The following SMG6 variants were observed in gnomAD, a reference collection of about 807,000 sequenced individuals.
SMG6 encodes SMG6 nonsense mediated mRNA decay factor.
Under a neutral mutation model 142.2 loss-of-function variants are expected in SMG6, and 66 were observed. The observed-to-expected ratio is 0.46, with a 90% CI of 0.38 to 0.57. The LOEUF (loss-of-function observed/expected upper bound fraction) is 0.57. Ranked by LOEUF, SMG6 falls within the 20% of genes least tolerant of loss-of-function variation. The pLI is 0.00. For missense variants in SMG6, 1,793 were observed against 1,832.0 expected (o/e 0.98, Z 0.39); for synonymous variants, 779 against 702.4 (o/e 1.11, Z -1.72).
Position 2,215,223 on chromosome 17 carries a change from A to G in SMG6, c.2869+21269T>C, listed in dbSNP as rs188434085. 1.0e-3 allele frequency among the ~76,000 whole-genome samples: 157 copies of G among 151,268 alleles called. 2 individuals are homozygous for G. The East Asian group carries it at 0.028, about 27-fold the overall frequency. Reference sequence around the variant, plus strand: ...GTGCGTACATTATAAACACACACACACGCGCGCGCACACACACACACAGAC... The same window carrying G: ...GTGCGTACATTATAAACACACACACGCGCGCGCGCACACACACACACAGAC... On this transcript the variant is annotated intron_variant, in intron 10 of 18. Transcript: ENST00000263073.
chr17:2,142,590 G>C (rs1462814071), intron 13 of SMG6, among the ~76,000 whole-genome samples: 5 of 151,526 alleles, frequency 3.3e-5, no homozygotes, highest in Non-Finnish European at 5.9e-5. Flanking sequence ...AATTTTAAAA[G>C]TAGGCAAATA....
At chr17:2,209,938 AGAGGCCTTCACT>A (rs1291001734) in intron 10 of SMG6, among the ~76,000 whole-genome samples, 1 of 152,226 alleles carries the variant, frequency 6.6e-6, no homozygotes, top group African/African-American at 2.4e-5. Flanking sequence ...AGGTACAGAA[AGAGGCCTTCACT>A]GAGACCTTCA....
Position 2,291,805 on chromosome 17 carries a change from C to T in SMG6, c.2337+747G>A, listed in dbSNP as rs549100956. Among the ~76,000 whole-genome samples, 31 of 144,538 alleles carry T rather than the reference C, an allele frequency of 2.1e-4. No homozygotes were observed. The South Asian group carries it at 6.6e-3, about 31-fold the overall frequency. 94.8% of individuals were successfully genotyped at this position (144,538 alleles called of 152,430 possible). A position where few individuals can be genotyped will look rare whatever the true frequency, so the allele number is the denominator to read the frequency against. ...GAGGATCACCTAAGCCAGTAGTTTG[C>T]GTCACTGCACTCCAGCCTGGGTGAC... On this transcript the variant is annotated intron_variant, in intron 6 of 18. Transcript: ENST00000263073.
intron 12 of SMG6, among the ~76,000 whole-genome samples, chr17:2,184,279 C>T (rs758042557): frequency 2.0e-5 from 3 of 151,794 alleles, no homozygotes; most frequent in Non-Finnish European, 4.4e-5. Context: ...GGGAGAATCA[C>T]TTGAACCCAG....
At chr17:2,245,651 C>T (rs1010585720) in intron 8 of SMG6, among the ~76,000 whole-genome samples, 1 of 152,184 alleles carries the variant, frequency 6.6e-6, no homozygotes, top group Non-Finnish European at 1.5e-5. Flanking sequence ...TCCCAAAGTG[C>T]TGGGATTACA....
At chr17:2,102,009 G>A (rs2069021453) in intron 13 of SMG6, among the ~76,000 whole-genome samples, 1 of 152,148 alleles carries the variant, frequency 6.6e-6, no homozygotes, top group Non-Finnish European at 1.5e-5. Flanking sequence ...CTTGAAGACT[G>A]AACTCTTCTG....
intron 12 of SMG6, among the ~76,000 whole-genome samples, chr17:2,184,346 G>C (rs2071902771): frequency 6.9e-6 from 1 of 145,844 alleles, no homozygotes; most frequent in Non-Finnish European, 1.5e-5. Flanking sequence ...CTGGGCAACA[G>C]AGCAAGACTC....
chr17:2,222,069 C>T (rs1315153171), intron 10 of SMG6, among the ~76,000 whole-genome samples: 4 of 152,156 alleles, frequency 2.6e-5, no homozygotes, highest in African/African-American at 7.2e-5. Context: ...TGATATAACG[C>T]ATGTTTACTG....
In SMG6 at chr17:2,299,185, G is replaced by A. The variant is rs140068523; in HGVS notation, c.1568C>T (p.Thr523Met). 1.1e-4 allele frequency: 185 copies of A among 1,613,380 alleles called. No homozygotes were observed. In the African/African-American group the frequency reaches 1.8e-3, roughly 16 times the overall value. ...TGGGTACTGTAGAGGGTTATAGCCC[G>A]TATAGGGATACTGGGAGGCAGGGCC... ...TPGPASQYPY[T>M]GYNPLQYPVG... The change falls in exon 2 of 19, where the codon ACG (threonine) becomes ATG (methionine). Residue 523 changes from threonine to methionine, a missense_variant. By Grantham distance (81) the Thr-to-Met change is moderately conservative. This residue lies in a region of SMG6 where 1,597 missense variants were observed against 1,584.6 expected (regional missense o/e 1.01). Transcript: ENST00000263073. This position sits in a 1 kb window ranked among gnomAD's most constrained non-coding sequence, Gnocchi z 4.3.
At chr17:2,138,300 C>G (rs1258757324) in intron 13 of SMG6, among the ~76,000 whole-genome samples, 1 of 152,088 alleles carries the variant, frequency 6.6e-6, no homozygotes, top group African/African-American at 2.4e-5. Context: ...TACTCAAACA[C>G]TCCAAGATAA....
At chr17:2,303,431 C>G in intron 1 of SMG6, 1 of 1,262,766 alleles carries the variant, frequency 7.9e-7, no homozygotes, top group Non-Finnish European at 1.0e-6. Context: ...TCTCCCGGAG[C>G]TGGCCAGGAC....
intron 8 of SMG6, among the ~76,000 whole-genome samples, chr17:2,248,940 G>C (rs924619647): frequency 6.6e-6 from 1 of 151,564 alleles, no homozygotes; most frequent in African/African-American, 2.4e-5. Flanking sequence ...AGGCTGGAGT[G>C]CAGTGGCGCT....
At chr17:2,249,175 G>C (rs763747893) in intron 8 of SMG6, among the ~76,000 whole-genome samples, 1 of 151,662 alleles carries the variant, frequency 6.6e-6, no homozygotes, top group Admixed American at 6.6e-5. Flanking sequence ...TTACAGGCGT[G>C]AGCCACCGCG....
chr17:2,163,058 C>G (rs1228648937), intron 13 of SMG6, among the ~76,000 whole-genome samples: 1 of 152,184 alleles, frequency 6.6e-6, no homozygotes, highest in Non-Finnish European at 1.5e-5. Flanking sequence ...TCTTGAACTC[C>G]TGGGCTCAAG....
intron 8 of SMG6, among the ~76,000 whole-genome samples, chr17:2,260,035 G>A (rs533760785): frequency 1.1e-3 from 166 of 152,296 alleles, no homozygotes; most frequent in Non-Finnish European, 1.4e-3. Context: ...TCAACTCCCA[G>A]GAAAAGTGTT....
chr17:2,172,187 G>GT (rs922290893), intron 13 of SMG6, among the ~76,000 whole-genome samples: 23 of 151,374 alleles, frequency 1.5e-4, no homozygotes, highest in Non-Finnish European at 2.9e-5. Flanking sequence ...ATTCCTACAA[G>GT]TTTTTTTTTC....
At chr17:2,065,290 C>A in intron 17 of SMG6, 136 bp from the exon 18 acceptor site, 1 of 975,190 alleles carries the variant, frequency 1.0e-6, no homozygotes, top group Non-Finnish European at 1.6e-6. Context: ...CTGGCCCTGC[C>A]TGGCCTGATC....
intron 8 of SMG6, among the ~76,000 whole-genome samples, chr17:2,273,102 GTATTAGA>G (rs1319972903): frequency 9.2e-5 from 14 of 152,184 alleles, no homozygotes; most frequent in Admixed American, 6.5e-4. Context: ...GGGAAAATGT[GTATTAGA>G]TAAGCCTCAT....
chr17:2,303,706 C>A lies in SMG6; in HGVS notation c.15G>T (p.Leu5=). The A allele has an allele frequency of 6.7e-7, 1 of 1,493,966 alleles. No homozygotes were observed. The highest frequency in any genetic ancestry group is 8.9e-7 in the Non-Finnish European group (1 of 1,128,122). 92.5% of individuals were successfully genotyped at this position (1,493,966 alleles called of 1,614,324 possible). ...CCGACGCGGAGATCCGCACACGCTC[C>A]AGCCCTTCCGCCATCTTCGCGGCTG... is the stretch of plus-strand genomic sequence containing the variant. MAEG[L]ERVRISASEL... is the part of the protein sequence containing the mutation. The change falls in exon 1 of 19, where the codon CTG becomes CTT. Residue 5 remains leucine, a synonymous_variant. Transcript: ENST00000263073.
Sources: gnomAD v4.1 joint callset for allele counts (sites outside exome capture counted in the v4.1 genomes callset) on GRCh38, gnomAD v4.1.1 for gene constraint, gnomAD v4.1.1 regional missense constraint, Gnocchi (gnomAD v3.1) non-coding constraint, MANE v1.5 for transcripts, NCBI Gene and HGNC (gene_info 2026-07-23, HGNC 2026-07-21) for gene names.